The following SEL1L3 variants were observed in gnomAD, a reference collection of about 807,000 sequenced individuals.
SEL1L3 encodes the protein protein sel-1 homolog 3.
Under a neutral mutation model 142.8 loss-of-function variants are expected in SEL1L3, and 76 were observed. That is an observed-to-expected ratio of 0.53 (90% CI 0.44 to 0.64). SEL1L3 has a LOEUF of 0.64. Ranked by LOEUF, SEL1L3 falls within the 30% of genes least tolerant of loss-of-function variation. The pLI is 0.00. For synonymous variants in SEL1L3, 504 were observed against 519.6 expected (o/e 0.97, Z 0.41); for missense variants, 1,262 against 1,381.7 (o/e 0.91, Z 1.37).
chr4:25,843,230 G>C (rs549907374), intron 2 of SEL1L3, among the ~76,000 whole-genome samples: 2 of 151,588 alleles, frequency 1.3e-5, no homozygotes, highest in Middle Eastern at 3.4e-3. Flanking sequence ...GAGGAACTGG[G>C]GGGCTTAATC....
At chr4:25,774,374 G>C (rs1198241391) in intron 17 of SEL1L3, among the ~76,000 whole-genome samples, 3 of 152,010 alleles carry the variant, frequency 2.0e-5, no homozygotes, top group Admixed American at 2.0e-4. Flanking sequence ...ACTCACAAAG[G>C]GTACAGGACA....
rs111622534 is a variant in SEL1L3, at chr4:25,835,944, T to C, written c.734-621A>G. On this transcript the variant is annotated intron_variant, in intron 2 of 23. Coordinates refer to ENST00000399878, the MANE Select transcript of SEL1L3 (RefSeq NM_015187.5). ...TATGAAATAGGTTCTTTTATTATCCTCATTTAACAGATCGAAAACTGAGCA... is the reference window on the plus strand; with the variant it reads ...TATGAAATAGGTTCTTTTATTATCCCCATTTAACAGATCGAAAACTGAGCA... 9.7e-3 allele frequency among the ~76,000 whole-genome samples: 1,483 copies of C among 152,342 alleles called. 23 individuals carry two copies. The highest frequency in any genetic ancestry group is 0.034 in the African/African-American group (1,404 of 41,576).
chr4:25,846,922 A>AG (rs1716548069), intron 2 of SEL1L3, among the ~76,000 whole-genome samples: 1 of 150,816 alleles, frequency 6.6e-6, no homozygotes, highest in Admixed American at 6.6e-5. Context: ...CAAAAAAAAA[A>AG]AAAAAAAAAA....
At chr4:25,820,744 T>C (rs142754850) in intron 7 of SEL1L3, among the ~76,000 whole-genome samples, 10 of 152,360 alleles carry the variant, frequency 6.6e-5, no homozygotes, top group African/African-American at 2.4e-4. Context: ...TATGTATATG[T>C]ACTGTTCATG....
intron 17 of SEL1L3, among the ~76,000 whole-genome samples, chr4:25,771,520 C>A (rs1171611488): frequency 6.6e-6 from 1 of 152,076 alleles, no homozygotes; most frequent in African/African-American, 2.4e-5. Flanking sequence ...TATTATTTTG[C>A]ACGTGCTCTT....
chr4:25,825,807 T>C (rs186399816), intron 6 of SEL1L3, among the ~76,000 whole-genome samples: 16 of 151,294 alleles, frequency 1.1e-4, no homozygotes, highest in South Asian at 4.2e-4. Flanking sequence ...CCCGAGTAGC[T>C]GGGAATACAG....
the SEL1L3 span, among the ~76,000 whole-genome samples, chr4:25,729,516 C>A: frequency 2.6e-5 from 4 of 152,094 alleles, no homozygotes; most frequent in Admixed American, 2.0e-4. Context: ...GAGTTCGAGG[C>A]CAGCCTGGAC....
rs58435041 is a variant in SEL1L3 at position 25,788,569 on chromosome 4, CGTGTGTGTGTGTGTGTGTGTGTGT to C, written c.2077-229_2077-206del. On this transcript the variant is annotated intron_variant, in intron 12 of 23. Coordinates refer to ENST00000399878, the MANE Select transcript of SEL1L3 (RefSeq NM_015187.5). The surrounding 1 kb of genome is among the most constrained non-coding windows in gnomAD (Gnocchi z 5.3). ...CCCTTAATGCAAGCCAGAAATGGTT[CGTGTGTGTGTGTGTGTGTGTGTGT>C]GTGTGTGTGTGTGTGTGTGTGTGTG... Among the ~76,000 whole-genome samples, 25 of 140,062 alleles carry C rather than the reference CGTGTGTGTGTGTGTGTGTGTGTGT, an allele frequency of 1.8e-4. No individual in the cohort carries two copies. The highest frequency in any genetic ancestry group is 7.8e-4 in the Admixed American group (11 of 14,134). The allele number at this position is 140,062 out of a possible 152,430, so 91.9% of individuals were successfully genotyped here.
chr4:25,776,838 T>C (rs1577586726), intron 16 of SEL1L3: 1 of 95,048 alleles, frequency 1.1e-5, no homozygotes, highest in Admixed American at 9.1e-5. Context: ...AGTAGAATAA[T>C]TTTTTTAAAT....
At chr4:25,854,018 A>G (rs903213349) in intron 1 of SEL1L3, among the ~76,000 whole-genome samples, 1 of 152,110 alleles carries the variant, frequency 6.6e-6, no homozygotes, top group Non-Finnish European at 1.5e-5. Flanking sequence ...AAAATGATAT[A>G]TGTGGCTTGA....
intron 8 of SEL1L3, among the ~76,000 whole-genome samples, chr4:25,819,513 C>T (rs1017788117): frequency 8.5e-5 from 13 of 152,206 alleles, no homozygotes; most frequent in South Asian, 4.1e-4. Context: ...TTGGGAATAA[C>T]GCCATGCGAA....
chr4:25,759,332 G>A (rs1289586549), intron 20 of SEL1L3: 7 of 403,776 alleles, frequency 1.7e-5, no homozygotes, highest in African/African-American at 4.1e-5. Flanking sequence ...GTCCTTTCTC[G>A]CTCACTCTCT....
intron 6 of SEL1L3, among the ~76,000 whole-genome samples, chr4:25,828,943 G>T (rs1413655408): frequency 6.6e-6 from 1 of 152,106 alleles, no homozygotes; most frequent in Admixed American, 6.5e-5. Flanking sequence ...TTATACATGC[G>T]AAATTGGTTA....
At chr4:25,820,016 G>C in intron 7 of SEL1L3, 76 bp from the exon 8 acceptor site, 7 of 1,438,904 alleles carry the variant, frequency 4.9e-6, no homozygotes, top group Non-Finnish European at 6.7e-6. Flanking sequence ...GATGTGTTTG[G>C]GTTGACTTTG....
chr4:25,756,147 G>C, intron 23 of SEL1L3: 5 of 985,376 alleles, frequency 5.1e-6, no homozygotes, highest in Non-Finnish European at 6.0e-6. Context: ...TAACAGCTAC[G>C]CAAATGCTCC....
chr4:25,810,267 C>A (rs10027029), intron 9 of SEL1L3, among the ~76,000 whole-genome samples: 4,817 of 152,268 alleles, frequency 0.032, 237 homozygotes, highest in East Asian at 0.15. Flanking sequence ...TGCTGCCCAG[C>A]TCCCCCCTCC....
At chr4:25,857,970 A>G (rs1158030972) in intron 1 of SEL1L3, among the ~76,000 whole-genome samples, 1 of 152,276 alleles carries the variant, frequency 6.6e-6, no homozygotes, top group Non-Finnish European at 1.5e-5. Flanking sequence ...TTCTCCAGGT[A>G]GAGACTGGAA....
At position 25,767,509 on chromosome 4, in the gene SEL1L3, GT is replaced by G; in HGVS notation, c.2845+15del. The G allele has an allele frequency of 6.9e-7, 1 of 1,446,812 alleles. No individual in the cohort carries two copies. The highest frequency in any genetic ancestry group is 1.2e-5 in the South Asian group (1 of 83,614). The allele number at this position is 1,446,812 out of a possible 1,614,324, so 89.6% of individuals were successfully genotyped here. On this transcript the variant is annotated intron_variant, in intron 19 of 23. Coordinates refer to ENST00000399878, the MANE Select transcript of SEL1L3 (RefSeq NM_015187.5). Reference sequence around the variant, plus strand: ...ACACCTAATGCTTCAATTTTGCACCGTTTTTCTATACATACCAAAGGAAGGA... The same window carrying G: ...ACACCTAATGCTTCAATTTTGCACCGTTTTCTATACATACCAAAGGAAGGA...
downstream of SEL1L3, among the ~76,000 whole-genome samples, chr4:25,746,080 G>A (rs1479298724): frequency 6.6e-6 from 1 of 152,188 alleles, no homozygotes; most frequent in Non-Finnish European, 1.5e-5. Context: ...GTGGGCCTTG[G>A]CAGGAGGTGA....
Sources: gnomAD v4.1 joint callset for allele counts (sites outside exome capture counted in the v4.1 genomes callset) on GRCh38, gnomAD v4.1.1 for gene constraint, Gnocchi (gnomAD v3.1) non-coding constraint, MANE v1.5 for transcripts, NCBI Gene and HGNC (gene_info 2026-07-23, HGNC 2026-07-21) for gene names.